The following CCSER1 variants were observed in gnomAD, a reference collection of about 807,000 sequenced individuals.
The protein encoded by CCSER1 is coiled-coil serine rich protein 1, also known as serine-rich coiled-coil domain-containing protein 1.
In CCSER1, 41 loss-of-function variants were observed where a neutral mutation model predicts 82.0. The ratio of observed to expected loss-of-function variants is 0.50; its 90% confidence interval spans 0.39 to 0.65. The LOEUF (loss-of-function observed/expected upper bound fraction) is 0.65, where lower values mean the gene tolerates loss of function less well. Ranked by LOEUF, CCSER1 falls within the 30% of genes least tolerant of loss-of-function variation. The probability of loss-of-function intolerance (pLI) is 0.00; values close to 1 mark genes in which losing one functional copy is unlikely to be tolerated. For missense variants in CCSER1, 1,119 were observed against 1,064.2 expected (o/e 1.05, Z -0.72); for synonymous variants, 414 against 383.9 (o/e 1.08, Z -0.92).
chr4:91,177,107 A>G (rs28782868), intron 10 of CCSER1, among the ~76,000 whole-genome samples: 2,045 of 152,250 alleles, frequency 0.013, 30 homozygotes, highest in African/African-American at 0.037. Context: ...TTCTGTTTAT[A>G]TGATGGATTA....
intron 5 of CCSER1, among the ~76,000 whole-genome samples, chr4:90,616,746 ATAAAAT>A: frequency 1.4e-5 from 2 of 139,380 alleles, no homozygotes; most frequent in African/African-American, 5.9e-5. Flanking sequence ...CACAAATAAA[ATAAAAT>A]AAAAGGGAGA....
chr4:91,084,704 A>G (rs968558601), intron 9 of CCSER1, among the ~76,000 whole-genome samples: 1 of 152,178 alleles, frequency 6.6e-6, no homozygotes, highest in African/African-American at 2.4e-5. Flanking sequence ...ATAATTTTCT[A>G]TAATCAGAAA....
intron 10 of CCSER1, among the ~76,000 whole-genome samples, chr4:91,143,022 G>T (rs769052609): frequency 3.3e-5 from 5 of 151,934 alleles, no homozygotes; most frequent in Non-Finnish European, 7.4e-5. Flanking sequence ...GAAAAATGAT[G>T]TCGCTAATTT....
intron 5 of CCSER1, among the ~76,000 whole-genome samples, chr4:90,569,757 A>G (rs1779885563): frequency 6.6e-6 from 1 of 152,186 alleles, no homozygotes; most frequent in African/African-American, 2.4e-5. Flanking sequence ...CTGAGTGGCT[A>G]CAGCTCCTGC....
chr4:90,431,036 C>T (rs1484410297), intron 4 of CCSER1, among the ~76,000 whole-genome samples: 3 of 151,896 alleles, frequency 2.0e-5, no homozygotes, highest in Non-Finnish European at 2.9e-5. Flanking sequence ...TTCACAGGAG[C>T]CTGGTTTTGT....
chr4:91,194,508 A>C (rs1735246830), intron 10 of CCSER1, among the ~76,000 whole-genome samples: 1 of 152,204 alleles, frequency 6.6e-6, no homozygotes, highest in Non-Finnish European at 1.5e-5. Flanking sequence ...AAAAGTTTTC[A>C]TATGAAAGAG....
chr4:90,946,175 G>A (rs1732216682), intron 9 of CCSER1, among the ~76,000 whole-genome samples: 1 of 152,160 alleles, frequency 6.6e-6, no homozygotes, highest in Non-Finnish European at 1.5e-5. Context: ...TTATAAGCAT[G>A]AGCAAATACA....
In CCSER1 at chr4:90,172,258, A is replaced by G. The variant is rs369262189; in HGVS notation, c.-42+44427A>G. ...GTAACCTATAAATGCTTCATAGAGGAGTTAAGAATTGAGTTGTATTTTGAA... is the reference window on the plus strand; with the variant it reads ...GTAACCTATAAATGCTTCATAGAGGGGTTAAGAATTGAGTTGTATTTTGAA... On this transcript the variant is annotated intron_variant, in intron 1 of 10. Coordinates refer to ENST00000509176, the MANE Select transcript of CCSER1 (RefSeq NM_001145065.2). 5.9e-5 allele frequency among the ~76,000 whole-genome samples: 9 copies of G among 152,006 alleles called. No individual in the cohort carries two copies. In the East Asian group the frequency reaches 1.5e-3, roughly 26 times the overall value.
intron 5 of CCSER1, among the ~76,000 whole-genome samples, chr4:90,604,229 T>C (rs1784355469): frequency 6.6e-6 from 1 of 152,184 alleles, no homozygotes; most frequent in Non-Finnish European, 1.5e-5. Flanking sequence ...TCTGTATTTT[T>C]TTTCTATATC....
intron 1 of CCSER1, among the ~76,000 whole-genome samples, chr4:90,297,245 C>T (rs1732146323): frequency 6.7e-6 from 1 of 149,160 alleles, no homozygotes; most frequent in African/African-American, 2.6e-5. Flanking sequence ...ATTTTATTCT[C>T]TTTGAAGCAA....
intron 6 of CCSER1, among the ~76,000 whole-genome samples, chr4:90,658,964 C>T (rs192629891): frequency 6.6e-6 from 1 of 152,188 alleles, no homozygotes; most frequent in Admixed American, 6.5e-5. Context: ...TATACACACA[C>T]ATGTGATATT....
intron 1 of CCSER1, among the ~76,000 whole-genome samples, chr4:90,217,970 A>AT (rs1741410108): frequency 6.6e-6 from 1 of 151,622 alleles, no homozygotes; most frequent in African/African-American, 2.4e-5. Flanking sequence ...AAATTTTAAA[A>AT]TTTTTATTGT....
At chr4:91,166,148 C>G (rs1281078529) in intron 10 of CCSER1, among the ~76,000 whole-genome samples, 1 of 152,132 alleles carries the variant, frequency 6.6e-6, no homozygotes, top group African/African-American at 2.4e-5. Context: ...GTGAGGCAAT[C>G]TTTAATAATT....
chr4:90,261,278 C>T (rs1724291022), intron 1 of CCSER1, among the ~76,000 whole-genome samples: 2 of 151,498 alleles, frequency 1.3e-5, no homozygotes, highest in African/African-American at 2.4e-5. Context: ...TAGCATTTTT[C>T]GTAGTGCTGG....
At chr4:91,081,749 A>G (rs1722779987) in intron 9 of CCSER1, among the ~76,000 whole-genome samples, 1 of 152,186 alleles carries the variant, frequency 6.6e-6, no homozygotes, top group African/African-American at 2.4e-5. Flanking sequence ...AAAAATCACA[A>G]GCATTCTTAT....
intron 9 of CCSER1, among the ~76,000 whole-genome samples, chr4:90,948,912 T>C: frequency 6.6e-6 from 1 of 151,958 alleles, no homozygotes; most frequent in Admixed American, 6.6e-5. Context: ...CAACCACAGA[T>C]GAATAGAGTC....
chr4:91,207,512 A>G (rs754189151), intron 10 of CCSER1, among the ~76,000 whole-genome samples: 1 of 151,854 alleles, frequency 6.6e-6, no homozygotes, highest in African/African-American at 2.4e-5. Context: ...TACTTTGCTA[A>G]GGATAATGGC....
chr4:91,349,644 T>A (rs1049789552), intron 10 of CCSER1, among the ~76,000 whole-genome samples: 1 of 152,116 alleles, frequency 6.6e-6, no homozygotes, highest in African/African-American at 2.4e-5. Context: ...TAGTTTGTCT[T>A]GAGGTCAGGC....
chr4:90,230,928 G>T (rs1560839629), intron 1 of CCSER1, among the ~76,000 whole-genome samples: 1 of 152,260 alleles, frequency 6.6e-6, no homozygotes. Context: ...CCAGGAAGAA[G>T]TTGAATCTCT....
Sources: gnomAD v4.1 joint callset for allele counts (sites outside exome capture counted in the v4.1 genomes callset) on GRCh38, gnomAD v4.1.1 for gene constraint, MANE v1.5 for transcripts, NCBI Gene and HGNC (gene_info 2026-07-23, HGNC 2026-07-21) for gene names.